The following AADACL2 variants were observed in gnomAD, a reference collection of about 807,000 sequenced individuals.
The protein encoded by AADACL2 is arylacetamide deacetylase like 2.
A neutral mutation model predicts 22.3 loss-of-function variants in AADACL2; 23 were observed. The ratio of observed to expected loss-of-function variants is 1.03; its 90% CI spans 0.74 to 1.46. The LOEUF (loss-of-function observed/expected upper bound fraction) is 1.46, where lower values mean the gene tolerates loss of function less well. Among genes scored for constraint, AADACL2 ranks in the 40% most tolerant of loss-of-function variants. The pLI is 0.00. For missense variants in AADACL2, 472 were observed against 482.9 expected (o/e 0.98, Z 0.21); for synonymous variants, 177 against 166.2 (o/e 1.07, Z -0.50).
chr3:151,753,404 T>C (rs1271315148), intron 4 of AADACL2, among the ~76,000 whole-genome samples: 3 of 152,126 alleles, frequency 2.0e-5, no homozygotes, highest in African/African-American at 7.2e-5. Flanking sequence ...GTTGATTATC[T>C]TGGACTCTAG....
intron 4 of AADACL2, among the ~76,000 whole-genome samples, chr3:151,746,854 A>C (rs1713463492): frequency 6.6e-6 from 1 of 151,362 alleles, no homozygotes; most frequent in African/African-American, 2.4e-5. Context: ...TAGTTCATTA[A>C]ATGTTTTGTA....
At chr3:151,751,739 A>G (rs1713676624) in intron 4 of AADACL2, among the ~76,000 whole-genome samples, 1 of 152,138 alleles carries the variant, frequency 6.6e-6, no homozygotes, top group South Asian at 2.1e-4. Context: ...GGATGTAGCC[A>G]TACAGATTCG....
chr3:151,737,974 G>A (rs1348735803), intron 1 of AADACL2, among the ~76,000 whole-genome samples: 1 of 152,054 alleles, frequency 6.6e-6, no homozygotes, highest in Non-Finnish European at 1.5e-5. Flanking sequence ...ACATTGTTAT[G>A]TATGAATTTG....
At position 151,740,635 on chromosome 3, in the gene AADACL2, T is replaced by C; in HGVS notation, c.139-11T>C. 1 of 1,545,466 alleles carries C rather than the reference T, an allele frequency of 6.5e-7. No individual in the cohort carries two copies. Among genetic ancestry groups the C allele is most frequent in the Non-Finnish European group, 8.8e-7 (1 of 1,133,246 alleles). On this transcript the variant is annotated splice_polypyrimidine_tract_variant and intron_variant, in intron 1 of 4. Transcript: ENST00000356517. ...TCTAAATATTTAATTTTGTTTGTTT[T>C]GTTCTTACAGGCTATGTGTTTTGAA...
Position 151,757,128 on chromosome 3 carries a change from TA to T in AADACL2, c.744del (p.Lys248AsnfsTer3), listed in dbSNP as rs1279383264. 1 of 1,613,240 alleles carries T rather than the reference TA, an allele frequency of 6.2e-7. No individual in the cohort carries two copies. Among genetic ancestry groups the T allele is most frequent in the African/African-American group, 1.3e-5 (1 of 74,780 alleles). ...ATAGTTTTGACCAGGGATGTAGCCA[TA>T]AAACTCGTGAGCTTATATTTCACCA... Reference protein sequence around the residue: ...HGIVLTRDVAIKLVSLYFTKD... With the variant: ...HGIVLTRDVAXKLVSLYFTKD... On this transcript the variant is annotated frameshift_variant, in exon 5 of 5. Transcript: ENST00000356517. LOFTEE classifies it low-confidence loss of function (END_TRUNC).
At chr3:151,756,905 T>C in intron 4 of AADACL2, 87 bp from the exon 5 acceptor site, 1 of 1,237,510 alleles carries the variant, frequency 8.1e-7, no homozygotes, top group African/African-American at 1.5e-5. Flanking sequence ...TAGATTTGTT[T>C]ATCTTATGAC....
Position 151,757,514 on chromosome 3 carries a change from T to C in AADACL2, c.1126T>C (p.Phe376Leu). 1 of 1,613,538 alleles carries C rather than the reference T, an allele frequency of 6.2e-7. No individual in the cohort carries two copies. Among genetic ancestry groups the C allele is most frequent in the African/African-American group, 1.3e-5 (1 of 75,028 alleles). The change falls in exon 5 of 5, where the codon TTC becomes CTC. Residue 376 changes from phenylalanine to leucine, a missense_variant. By Grantham distance (22) the Phe-to-Leu change is conservative. Around this residue, in one of 3 missense-constraint regions of AADACL2, gnomAD observed 113 missense variants for 100.9 expected, o/e 1.12. Transcript: ENST00000356517. The stretch of plus-strand genomic sequence containing the variant: ...GGATGGAATTCATGGAGCTTTATCA[T>C]TCATGACTTCACCATTTTATTTACG... ...IEDGIHGALSFMTSPFYLRLG... is the reference protein window; with the variant it reads ...IEDGIHGALSLMTSPFYLRLG...
Position 151,757,030 on chromosome 3 carries a change from G to T in AADACL2, c.642G>T (p.Met214Ile). 6.2e-7 allele frequency: 1 copy of T among 1,609,534 alleles called. No individual in the cohort carries two copies. The highest frequency in any genetic ancestry group is 8.5e-7 in the Non-Finnish European group (1 of 1,178,670). Residue 214 changes from methionine to isoleucine, a missense_variant, in exon 5 of 5, where the codon ATG (methionine) becomes ATT (isoleucine). Physicochemically the swap from Met to Ile is conservative, Grantham distance 10. Around this residue, in one of 3 missense-constraint regions of AADACL2, gnomAD observed 356 missense variants for 365.5 expected, o/e 0.97. Transcript: ENST00000356517. ...CTGAAATAAAACATAAAATCAAGAT[G>T]CAAGTCTTACTTTACCCTGGCTTAC... The part of the protein sequence containing the change: ...NDAEIKHKIK[M>I]QVLLYPGLQI...
At chr3:151,756,840 G>T in intron 4 of AADACL2, 152 bp from the exon 5 acceptor site, 2 of 514,382 alleles carry the variant, frequency 3.9e-6, no homozygotes, top group Non-Finnish European at 5.6e-6. Flanking sequence ...TTTATGCCAT[G>T]GTAATATATT....
At chr3:151,740,154 C>G (rs1713230573) in intron 1 of AADACL2, among the ~76,000 whole-genome samples, 1 of 152,230 alleles carries the variant, frequency 6.6e-6, no homozygotes, top group Non-Finnish European at 1.5e-5. Flanking sequence ...ATGAGAGCAT[C>G]TCCTGATCTG....
chr3:151,745,830 T>A, intron 4 of AADACL2, 150 bp downstream of exon 4: 1 of 825,682 alleles, frequency 1.2e-6, no homozygotes, highest in Non-Finnish European at 1.8e-6. Flanking sequence ...TATTTAACCT[T>A]AATGTGACTA....
Position 151,733,953 on chromosome 3 carries a change from T to C in AADACL2, c.-83T>C. ...TATCACCTGAGAGAGTTCCCAAGTCTACAATTGCTCTACTAGTTACTATTC... is the reference window on the plus strand; with the variant it reads ...TATCACCTGAGAGAGTTCCCAAGTCCACAATTGCTCTACTAGTTACTATTC... On this transcript the variant is annotated 5_prime_UTR_variant, in exon 1 of 5. Transcript: ENST00000356517. 7.1e-7 allele frequency: 1 copy of C among 1,404,950 alleles called. No individual in the cohort carries two copies. The highest frequency in any genetic ancestry group is 9.5e-7 in the Non-Finnish European group (1 of 1,049,404). The allele number at this position is 1,404,950 out of a possible 1,614,324, so 87.0% of individuals were successfully genotyped here. A position where few individuals can be genotyped will look rare whatever the true frequency, so the allele number is the denominator to read the frequency against.
At chr3:151,749,529 C>T (rs1576615510) in intron 4 of AADACL2, among the ~76,000 whole-genome samples, 1 of 152,074 alleles carries the variant, frequency 6.6e-6, no homozygotes, top group Non-Finnish European at 1.5e-5. Context: ...GTTGCCCAGG[C>T]TGGAGTGCAG....
Position 151,758,807 on chromosome 3 carries a change from G to C in AADACL2, c.*1213G>C, listed in dbSNP as rs1714049536. 2 of 152,066 alleles carry C rather than the reference G, an allele frequency of 1.3e-5. No individual in the cohort carries two copies. Among genetic ancestry groups the C allele is most frequent in the African/African-American group, 4.8e-5 (2 of 41,436 alleles). The allele number at this position is 152,066 out of a possible 1,614,324, so 9.4% of individuals were successfully genotyped here. A position where few individuals can be genotyped will look rare whatever the true frequency, so the allele number is the denominator to read the frequency against. ...TGAATCCAACTAAGAAGTTAAAAATGTAGTAAGAAATGTGTATATGTATGA... is the reference window on the plus strand; with the variant it reads ...TGAATCCAACTAAGAAGTTAAAAATCTAGTAAGAAATGTGTATATGTATGA... On this transcript the variant is annotated 3_prime_UTR_variant, in exon 5 of 5. Transcript: ENST00000356517.
chr3:151,754,745 A>G (rs957425417), intron 4 of AADACL2, among the ~76,000 whole-genome samples: 1 of 152,126 alleles, frequency 6.6e-6, no homozygotes, highest in African/African-American at 2.4e-5. Context: ...CTCTAAGGAC[A>G]TTACCGTGAG....
rs1714090497 is a variant in AADACL2 at position 151,760,019 on chromosome 3, A to T, written c.*2425A>T. 1 of 152,208 alleles carries T rather than the reference A, an allele frequency of 6.6e-6. No individual in the cohort carries two copies. Among genetic ancestry groups the T allele is most frequent in the African/African-American group, 2.4e-5 (1 of 41,454 alleles). The allele number at this position is 152,208 out of a possible 1,614,324, so 9.4% of individuals were successfully genotyped here. A position where few individuals can be genotyped will look rare whatever the true frequency, so the allele number is the denominator to read the frequency against. ...TCAATACATATCATGTATAGTGATT[A>T]TATCAGGGTAATCGGCACATCATCT... On this transcript the variant is annotated 3_prime_UTR_variant, in exon 5 of 5. Transcript: ENST00000356517.
At chr3:151,754,017 G>A (rs1174817486) in intron 4 of AADACL2, among the ~76,000 whole-genome samples, 1 of 152,096 alleles carries the variant, frequency 6.6e-6, no homozygotes, top group Non-Finnish European at 1.5e-5. Flanking sequence ...GTCTGGAGTT[G>A]ACTTTATGCC....
chr3:151,749,394 A>C (rs2107986896), intron 4 of AADACL2, among the ~76,000 whole-genome samples: 1 of 152,262 alleles, frequency 6.6e-6, no homozygotes, highest in East Asian at 1.9e-4. Flanking sequence ...TGTATCCTGC[A>C]ACTTTACTGA....
intron 1 of AADACL2, among the ~76,000 whole-genome samples, chr3:151,735,754 T>C (rs1713067488): frequency 6.6e-6 from 1 of 152,140 alleles, no homozygotes; most frequent in Admixed American, 6.5e-5. Context: ...CAAGACTCCT[T>C]CTCAAAAAAT....
Sources: gnomAD v4.1 joint callset for allele counts (sites outside exome capture counted in the v4.1 genomes callset) on GRCh38, gnomAD v4.1.1 for gene constraint, gnomAD v4.1.1 regional missense constraint, MANE v1.5 for transcripts, NCBI Gene and HGNC (gene_info 2026-07-23, HGNC 2026-07-21) for gene names.